The following PCDHA3 variants were observed in gnomAD, a reference collection of about 807,000 sequenced individuals.
PCDHA3 encodes protocadherin alpha 3.
Under a neutral mutation model 62.2 loss-of-function variants are expected in PCDHA3, and 41 were observed. The observed-to-expected ratio is 0.66, with a 90% CI of 0.51 to 0.86. The LOEUF (loss-of-function observed/expected upper bound fraction) is 0.86. PCDHA3 is among the 40% of genes least tolerant of loss of function. The probability of loss-of-function intolerance (pLI) is 0.00; values close to 1 mark genes in which losing one functional copy is unlikely to be tolerated. For missense variants in PCDHA3, 1,304 were observed against 1,241.2 expected, an observed-to-expected ratio of 1.05 and a Z score of -0.76; for synonymous variants, 640 against 555.4, an observed-to-expected ratio of 1.15 and a Z score of -2.14.
At chr5:140,999,836 A>G (rs1554257003) in intron 3 of PCDHA3, among the ~76,000 whole-genome samples, 1 of 152,210 alleles carries the variant, frequency 6.6e-6, no homozygotes, top group African/African-American at 2.4e-5. Flanking sequence ...AAAATATGCC[A>G]AGTGTATTTA....
intron 1 of PCDHA3, among the ~76,000 whole-genome samples, chr5:140,915,190 G>T (rs1317793585): frequency 1.3e-5 from 2 of 151,978 alleles, no homozygotes; most frequent in African/African-American, 4.8e-5. Flanking sequence ...CTAGTGATCC[G>T]CCCATCTTGG....
At chr5:140,822,280 T>C (rs2150115154) in intron 1 of PCDHA3, 3 of 1,614,128 alleles carry the variant, frequency 1.9e-6, no homozygotes, top group Non-Finnish European at 2.5e-6. Flanking sequence ...ACAATTGAGA[T>C]ACAGGTTAAA....
chr5:140,858,054 T>G, intron 1 of PCDHA3: 2 of 1,597,316 alleles, frequency 1.3e-6, no homozygotes, highest in South Asian at 2.2e-5. Flanking sequence ...GTGTCGCTTG[T>G]GGAGGGCAGC....
At chr5:140,956,003 C>T (rs2153708657) in intron 1 of PCDHA3, among the ~76,000 whole-genome samples, 1 of 152,232 alleles carries the variant, frequency 6.6e-6, no homozygotes, top group East Asian at 1.9e-4. Flanking sequence ...ATTTTGTATC[C>T]TGAGACTTTG....
At chr5:140,967,405 G>A in intron 1 of PCDHA3, 1 of 1,612,164 alleles carries the variant, frequency 6.2e-7, no homozygotes, top group Non-Finnish European at 8.5e-7. Context: ...TGCTGCGTAA[G>A]GGCCTAGACC....
At chr5:140,955,847 T>C (rs2095231839) in intron 1 of PCDHA3, among the ~76,000 whole-genome samples, 2 of 152,216 alleles carry the variant, frequency 1.3e-5, no homozygotes, top group Non-Finnish European at 2.9e-5. Context: ...TCATTCTCCT[T>C]GAAGAGGTCC....
intron 3 of PCDHA3, among the ~76,000 whole-genome samples, chr5:140,985,873 G>C (rs1210347898): frequency 1.3e-5 from 2 of 151,280 alleles, no homozygotes; most frequent in Non-Finnish European, 2.9e-5. Flanking sequence ...CTGAGTAGCT[G>C]GGACTACAGG....
rs782592420 is a variant in PCDHA3, at chr5:140,869,527, A to G, written c.2394+65936A>G. The G allele has an allele frequency of 1.2e-6, 2 of 1,614,186 alleles. No individual in the cohort carries two copies. Among genetic ancestry groups the G allele is most frequent in the African/African-American group, 2.7e-5 (2 of 75,038 alleles). On this transcript the variant is annotated intron_variant, in intron 1 of 3. Coordinates refer to ENST00000522353, the MANE Select transcript of PCDHA3 (RefSeq NM_018906.3). ...CTCGCTCAGAGAACAAAAGCTGCTG[A>G]TTGCGGAATCTAAGCAATCGGACTC...
chr5:140,809,229 G>C lies in PCDHA3; in HGVS notation c.2394+5638G>C, dbSNP rs1452307952. The C allele has an allele frequency of 1.4e-5, 23 of 1,613,928 alleles. No homozygotes were observed. The highest frequency in any genetic ancestry group is 1.9e-5 in the Non-Finnish European group (23 of 1,179,948). ...GGACAGGCGCCAAAGGCCTCCTCAC[G>C]GGCGTTGGTGGGCGCTGTGGGTCCC... On this transcript the variant is annotated intron_variant, in intron 1 of 3. Transcript: ENST00000522353.
chr5:140,807,657 C>T, intron 1 of PCDHA3: 1 of 1,614,220 alleles, frequency 6.2e-7, no homozygotes, highest in Non-Finnish European at 8.5e-7. Flanking sequence ...CTAGAGGGCG[C>T]CTCGGATGCA....
chr5:140,887,023 A>T (rs561705710), intron 1 of PCDHA3, among the ~76,000 whole-genome samples: 3 of 152,050 alleles, frequency 2.0e-5, no homozygotes, highest in South Asian at 2.1e-4. Flanking sequence ...TGCCTGAAAA[A>T]TTTCTTTAAT....
At chr5:140,945,369 A>T (rs2153669585) in intron 1 of PCDHA3, among the ~76,000 whole-genome samples, 1 of 152,234 alleles carries the variant, frequency 6.6e-6, no homozygotes, top group African/African-American at 2.4e-5. Flanking sequence ...TAAAATGTCC[A>T]TATTACCCAA....
intron 1 of PCDHA3, chr5:140,883,703 G>C: frequency 6.2e-7 from 1 of 1,613,802 alleles, no homozygotes; most frequent in Non-Finnish European, 8.5e-7. Context: ...CACGGTGTCT[G>C]CTCAGGACGC....
chr5:140,870,264 G>C (rs1554163970), intron 1 of PCDHA3: 1 of 1,614,166 alleles, frequency 6.2e-7, no homozygotes, highest in South Asian at 1.1e-5. Context: ...TGACCTGCTC[G>C]CTGACGCCCC....
chr5:140,907,034 C>G (rs1554192846), intron 1 of PCDHA3, among the ~76,000 whole-genome samples: 1 of 152,142 alleles, frequency 6.6e-6, no homozygotes, highest in Admixed American at 6.5e-5. Context: ...AACATAATGT[C>G]ACAGGGACAG....
At chr5:140,966,968 G>T in intron 1 of PCDHA3, 1 of 1,602,616 alleles carries the variant, frequency 6.2e-7, no homozygotes. Context: ...GCTGGGGCTT[G>T]AGCTGCGGCG....
At chr5:141,000,419 ATATTTTTTT>A (rs2097927194) in intron 3 of PCDHA3, among the ~76,000 whole-genome samples, 6 of 60,996 alleles carry the variant, frequency 9.8e-5, no homozygotes, top group Non-Finnish European at 1.1e-4. Flanking sequence ...ATATATATAT[ATATTTTTTT>A]TTTTTTTTTT....
chr5:140,883,090 T>A (rs550322124), intron 1 of PCDHA3: 1 of 1,614,020 alleles, frequency 6.2e-7, no homozygotes, highest in East Asian at 2.2e-5. Flanking sequence ...ATGGTACAAA[T>A]GGAGATATAG....
intron 1 of PCDHA3, among the ~76,000 whole-genome samples, chr5:140,903,031 A>G (rs1411414428): frequency 1.3e-5 from 2 of 152,188 alleles, no homozygotes; most frequent in Admixed American, 1.3e-4. Flanking sequence ...TGGCTTGCAC[A>G]TGTGTCTTTT....
Sources: allele counts gnomAD v4.1 joint callset (sites outside exome capture counted in the v4.1 genomes callset), GRCh38; gene constraint gnomAD v4.1.1; transcripts MANE v1.5; gene names NCBI Gene and HGNC (gene_info 2026-07-23, HGNC 2026-07-21).